PRELID2: variants seen among roughly 807,000 people sequenced by gnomAD.
PRELID2 encodes PRELI domain-containing protein 2.
In PRELID2, 25 loss-of-function variants were observed where a neutral mutation model predicts 28.4. The observed-to-expected ratio is 0.88, with a 90% confidence interval of 0.64 to 1.23. PRELID2 has a LOEUF of 1.23. Ranked by LOEUF, PRELID2 falls within the 50% of genes most tolerant of loss-of-function variation. PRELID2 has a pLI of 0.00. For missense variants in PRELID2, 201 were observed against 214.4 expected (o/e 0.94, Z 0.39); for synonymous variants, 76 against 71.6 (o/e 1.06, Z -0.31).
At chr5:145,317,246 C>T in the PRELID2 span, among the ~76,000 whole-genome samples, 9 of 152,148 alleles carry the variant, frequency 5.9e-5, no homozygotes, top group African/African-American at 1.4e-4. Context: ...CTAAGAACCA[C>T]GGAACCAGGG....
At chr5:145,407,492 C>A in the PRELID2 span, among the ~76,000 whole-genome samples, 1 of 152,112 alleles carries the variant, frequency 6.6e-6, no homozygotes, top group South Asian at 2.1e-4. Flanking sequence ...ACATGCCTAA[C>A]CCTGCCCTTA....
intron 1 of PRELID2, among the ~76,000 whole-genome samples, chr5:145,516,815 G>A (rs1407525515): frequency 6.6e-6 from 1 of 150,798 alleles, no homozygotes; most frequent in Non-Finnish European, 1.5e-5. Flanking sequence ...ACAGAACAGA[G>A]CACTCAGAAG....
chr5:145,473,732 G>T (rs1752075419), intron 1 of PRELID2, among the ~76,000 whole-genome samples: 1 of 152,100 alleles, frequency 6.6e-6, no homozygotes. Flanking sequence ...AAATTAAGAG[G>T]AACTAGTTCT....
chr5:145,739,724 G>C (rs1178851334), intron 1 of PRELID2, among the ~76,000 whole-genome samples: 1 of 151,806 alleles, frequency 6.6e-6, no homozygotes, highest in Non-Finnish European at 1.5e-5. Flanking sequence ...GCAAAGGGAG[G>C]TAAGGTTTCT....
chr5:145,305,055 T>A, the PRELID2 span, among the ~76,000 whole-genome samples: 4 of 152,222 alleles, frequency 2.6e-5, no homozygotes, highest in Admixed American at 6.5e-5. Flanking sequence ...TGATGGCAGA[T>A]TGAATGCATA....
At chr5:145,305,786 A>C in the PRELID2 span, among the ~76,000 whole-genome samples, 1 of 152,062 alleles carries the variant, frequency 6.6e-6, no homozygotes, top group Non-Finnish European at 1.5e-5. Flanking sequence ...TCCTGGCACA[A>C]AGCAACCCTT....
intron 5 of PRELID2, among the ~76,000 whole-genome samples, chr5:145,772,360 T>C (rs1386383514): frequency 1.3e-5 from 2 of 152,080 alleles, no homozygotes; most frequent in African/African-American, 4.8e-5. Flanking sequence ...AATGCAAAAG[T>C]GAAAACCCCC....
chr5:145,705,950 A>ACACT (rs1755535966), intron 1 of PRELID2, among the ~76,000 whole-genome samples: 1 of 149,344 alleles, frequency 6.7e-6, no homozygotes, highest in South Asian at 2.1e-4. Flanking sequence ...ACACACACAC[A>ACACT]CACACACACA....
the PRELID2 span, among the ~76,000 whole-genome samples, chr5:145,325,672 C>A: frequency 6.6e-6 from 1 of 152,092 alleles, no homozygotes; most frequent in Non-Finnish European, 1.5e-5. Context: ...TAAAATGAAC[C>A]AAAACTCAAA....
chr5:145,382,463 A>G, the PRELID2 span, among the ~76,000 whole-genome samples: 2 of 152,158 alleles, frequency 1.3e-5, no homozygotes, highest in African/African-American at 4.8e-5. Context: ...TAATAAGAAA[A>G]TCTTGACAGA....
the PRELID2 span, among the ~76,000 whole-genome samples, chr5:145,463,757 C>A: frequency 6.6e-6 from 1 of 152,066 alleles, no homozygotes; most frequent in Non-Finnish European, 1.5e-5. Flanking sequence ...GTAAAGATCC[C>A]ACAGAGACCA....
chr5:145,551,889 C>T (rs1752838481), intron 1 of PRELID2, among the ~76,000 whole-genome samples: 1 of 152,126 alleles, frequency 6.6e-6, no homozygotes, highest in African/African-American at 2.4e-5. Context: ...AGCAGGGACA[C>T]AGCCAACCCA....
intron 1 of PRELID2, among the ~76,000 whole-genome samples, chr5:145,621,843 C>T (rs990831406): frequency 1.6e-4 from 25 of 152,082 alleles, no homozygotes; most frequent in Non-Finnish European, 8.8e-5. Context: ...GAGAGAATTT[C>T]GGATGTTCAT....
intron 1 of PRELID2, among the ~76,000 whole-genome samples, chr5:145,622,993 T>C (rs189558546): frequency 2.0e-5 from 3 of 152,164 alleles, no homozygotes; most frequent in South Asian, 2.1e-4. Flanking sequence ...TTATATATTA[T>C]TAAAATATCC....
chr5:145,674,846 G>C (rs552780116), intron 1 of PRELID2, among the ~76,000 whole-genome samples: 1 of 151,968 alleles, frequency 6.6e-6, no homozygotes, highest in South Asian at 2.1e-4. Flanking sequence ...GAAGCAGGAG[G>C]ATCACTTGAA....
chr5:145,551,020 T>C (rs1226047499), intron 1 of PRELID2, among the ~76,000 whole-genome samples: 1 of 152,214 alleles, frequency 6.6e-6, no homozygotes, highest in Non-Finnish European at 1.5e-5. Context: ...TTATCGAGAA[T>C]AAATGTTCCT....
chr5:145,827,196 T>C (rs1363817375), intron 1 of PRELID2, among the ~76,000 whole-genome samples: 1 of 152,086 alleles, frequency 6.6e-6, no homozygotes, highest in Non-Finnish European at 1.5e-5. Context: ...TGCAAAGAGA[T>C]GGGGCTGCTG....
chr5:145,255,094 T>C, the PRELID2 span, among the ~76,000 whole-genome samples: 2 of 152,098 alleles, frequency 1.3e-5, no homozygotes, highest in African/African-American at 4.8e-5. Context: ...ACAATGTCAT[T>C]TTCTGGGTAT....
chr5:145,321,638 G>C, the PRELID2 span, among the ~76,000 whole-genome samples: 1 of 152,166 alleles, frequency 6.6e-6, no homozygotes, highest in Admixed American at 6.5e-5. Flanking sequence ...AGAGGGAATG[G>C]AAAGCACTGA....
Sources: allele counts gnomAD v4.1 joint callset (sites outside exome capture counted in the v4.1 genomes callset), GRCh38; gene constraint gnomAD v4.1.1; transcripts MANE v1.5; gene names NCBI Gene and HGNC (gene_info 2026-07-23, HGNC 2026-07-21).